The following ADAM10 variants were observed in gnomAD, a reference collection of about 807,000 sequenced individuals.
ADAM10 encodes disintegrin and metalloproteinase domain-containing protein 10.
A neutral mutation model predicts 90.1 loss-of-function variants in ADAM10; 17 were observed. That is an observed-to-expected ratio of 0.19 (90% confidence interval 0.13 to 0.28). The LOEUF is 0.28. Among genes scored for constraint, ADAM10 ranks in the 10% least tolerant of loss-of-function variants. The probability of loss-of-function intolerance (pLI) is 1.00; values close to 1 mark genes in which losing one functional copy is unlikely to be tolerated. For synonymous variants in ADAM10, 310 were observed against 298.6 expected (o/e 1.04, Z -0.40); for missense variants, 610 against 914.3 (o/e 0.67, Z 4.29).
At chr15:58,727,353 G>C (rs562655793) in intron 1 of ADAM10, among the ~76,000 whole-genome samples, 80 of 152,150 alleles carry the variant, frequency 5.3e-4, no homozygotes, top group Non-Finnish European at 1.1e-3. Context: ...ACCACACCCA[G>C]CTAATTTTTG....
chr15:58,697,046 C>T (rs1371008468), intron 2 of ADAM10, among the ~76,000 whole-genome samples: 3 of 152,292 alleles, frequency 2.0e-5, no homozygotes, highest in Middle Eastern at 3.4e-3. Flanking sequence ...CTGGCAGCAA[C>T]CCCACTGCCC....
At chr15:58,698,314 G>C (rs1209002441) in intron 2 of ADAM10, 1 of 448,262 alleles carries the variant, frequency 2.2e-6, no homozygotes, top group Non-Finnish European at 4.5e-6. Flanking sequence ...GCTCACATCT[G>C]TAATCCCAGC....
At chr15:58,737,312 A>C (rs1224644377) in intron 1 of ADAM10, among the ~76,000 whole-genome samples, 3 of 152,158 alleles carry the variant, frequency 2.0e-5, no homozygotes, top group African/African-American at 4.8e-5. Flanking sequence ...TTCTTTCTGT[A>C]AGCTGCTTTT....
chr15:58,614,996 C>T (rs1289261169), intron 11 of ADAM10, among the ~76,000 whole-genome samples: 1 of 152,048 alleles, frequency 6.6e-6, no homozygotes, highest in African/African-American at 2.4e-5. Flanking sequence ...CAAAAACAGC[C>T]GGGTGCAGTG....
chr15:58,624,772 A>G (rs1895889833), intron 10 of ADAM10, among the ~76,000 whole-genome samples: 1 of 152,086 alleles, frequency 6.6e-6, no homozygotes, highest in Non-Finnish European at 1.5e-5. Context: ...GCCTCAAGCA[A>G]TCTCCCTGTC....
At chr15:58,669,710 G>A (rs998939502) in intron 4 of ADAM10, among the ~76,000 whole-genome samples, 7 of 152,010 alleles carry the variant, frequency 4.6e-5, no homozygotes, top group Non-Finnish European at 1.0e-4. Context: ...AATTTTGTCT[G>A]TAATAACCCA....
At chr15:58,613,627 G>A (rs932035539) in intron 11 of ADAM10, among the ~76,000 whole-genome samples, 1 of 152,022 alleles carries the variant, frequency 6.6e-6, no homozygotes. Context: ...CAAAAATCCT[G>A]TGGCTTAAGA....
chr15:58,666,406 C>CTATA (rs1432086920), intron 4 of ADAM10, among the ~76,000 whole-genome samples: 90 of 151,836 alleles, frequency 5.9e-4, no homozygotes, highest in African/African-American at 2.1e-3. Context: ...AAGTCATGAT[C>CTATA]TATAACCTCA....
rs1595670460 is a variant in ADAM10, at chr15:58,739,028, T to G, written c.55+10452A>C. The stretch of plus-strand genomic sequence containing the variant: ...TAACTCACCCTTTTCCCATAAGATA[T>G]CCCAAAACATCCGCCACTGCCCCTA... On this transcript the variant is annotated intron_variant, in intron 1 of 15. Transcript: ENST00000260408. Among the ~76,000 whole-genome samples, 3 of 152,144 alleles carry G rather than the reference T, an allele frequency of 2.0e-5. No homozygotes were observed. In the South Asian group the frequency reaches 6.2e-4, roughly 32 times the overall value.
chr15:58,593,658 T>C lies in ADAM10; in HGVS notation c.*3889A>G, dbSNP rs1439292354. ...TCTTGTTCAATTCACCTTGTCCTTG[T>C]TGGATTACCCCACACCCTATCACTT... On this transcript the variant is annotated 3_prime_UTR_variant, in exon 16 of 16. Coordinates refer to ENST00000260408, the MANE Select transcript of ADAM10 (RefSeq NM_001110.4). The C allele has an allele frequency of 6.6e-6, 1 of 152,220 alleles. No homozygotes were observed. The highest frequency in any genetic ancestry group is 1.5e-5 in the Non-Finnish European group (1 of 68,044). The allele number at this position is 152,220 out of a possible 1,614,324, so 9.4% of individuals were successfully genotyped here.
intron 5 of ADAM10, among the ~76,000 whole-genome samples, chr15:58,658,194 G>A (rs1212008092): frequency 1.3e-5 from 2 of 152,010 alleles, no homozygotes; most frequent in Non-Finnish European, 2.9e-5. Flanking sequence ...TTTTGTATAA[G>A]GTGTGAAGTA....
At chr15:58,746,900 G>T (rs1366500623) in intron 1 of ADAM10, among the ~76,000 whole-genome samples, 4 of 152,178 alleles carry the variant, frequency 2.6e-5, no homozygotes, top group African/African-American at 9.7e-5. Context: ...CTTATTTGCT[G>T]GTAGATTCCG....
Position 58,665,195 on chromosome 15 carries a change from A to G in ADAM10, c.487T>C (p.Tyr163His), listed in dbSNP as rs1897052086. Residue 163 changes from tyrosine (Y) to histidine (H), a missense_variant and splice_region_variant, in exon 5 of 16, where the codon TAT (tyrosine) becomes CAT (histidine). This residue lies in a region of ADAM10 where 310 missense variants were observed against 362.4 expected (regional missense o/e 0.86). Coordinates refer to ENST00000260408, the MANE Select transcript of ADAM10 (RefSeq NM_001110.4). Reference protein sequence around the residue: ...SVIYHEDDINYPHKYGPQGGC... With the variant: ...SVIYHEDDINHPHKYGPQGGC... ...CCCTGAGGACCGTATTTATGGGGAT[A>G]GTCTAAAATACAAAGAAGAAACGTC... 1 of 1,601,216 alleles carries G rather than the reference A, an allele frequency of 6.2e-7. No individual in the cohort carries two copies. Among genetic ancestry groups the G allele is most frequent in the Non-Finnish European group, 8.6e-7 (1 of 1,168,296 alleles).
At chr15:58,637,300 C>A (rs1896283507) in intron 8 of ADAM10, among the ~76,000 whole-genome samples, 1 of 152,162 alleles carries the variant, frequency 6.6e-6, no homozygotes, top group Non-Finnish European at 1.5e-5. Context: ...GAGATGAATT[C>A]CAAAGCCAGC....
intron 2 of ADAM10, among the ~76,000 whole-genome samples, chr15:58,703,026 T>C (rs1898176009): frequency 6.6e-6 from 1 of 152,198 alleles, no homozygotes; most frequent in Non-Finnish European, 1.5e-5. Flanking sequence ...CACATCTTTA[T>C]GCTATTTTAG....
At chr15:58,662,302 G>C (rs1205379984) in intron 5 of ADAM10, among the ~76,000 whole-genome samples, 1 of 152,156 alleles carries the variant, frequency 6.6e-6, no homozygotes, top group East Asian at 1.9e-4. Context: ...GGCTAGGTTA[G>C]CCCTGCTACT....
At chr15:58,683,197 G>A (rs1336114813) in intron 2 of ADAM10, among the ~76,000 whole-genome samples, 1 of 152,106 alleles carries the variant, frequency 6.6e-6, no homozygotes, top group African/African-American at 2.4e-5. Flanking sequence ...TCTGTTAAAA[G>A]TATATCAAGT....
intron 1 of ADAM10, among the ~76,000 whole-genome samples, chr15:58,746,897 G>C (rs1899808614): frequency 6.6e-6 from 1 of 152,204 alleles, no homozygotes. Flanking sequence ...ATTCTTATTT[G>C]CTGGTAGATT....
chr15:58,714,326 C>CACACACACACACACACAG (rs1268922134), intron 2 of ADAM10, among the ~76,000 whole-genome samples: 23 of 150,698 alleles, frequency 1.5e-4, no homozygotes, highest in African/African-American at 5.6e-4. Flanking sequence ...CACACACACA[C>CACACACACACACACACAG]AGAAGCTGTG....
Sources: allele counts gnomAD v4.1 joint callset (sites outside exome capture counted in the v4.1 genomes callset), GRCh38; gene constraint gnomAD v4.1.1; regional missense constraint gnomAD v4.1.1; transcripts MANE v1.5; gene names NCBI Gene and HGNC (gene_info 2026-07-23, HGNC 2026-07-21).